ZBTB20: variants seen among roughly 807,000 people sequenced by gnomAD.
ZBTB20 encodes zinc finger and BTB domain containing 20.
A neutral mutation model predicts 56.9 loss-of-function variants in ZBTB20; 9 were observed. The ratio of observed to expected loss-of-function variants is 0.16; its 90% CI spans 0.10 to 0.28. ZBTB20 has a LOEUF of 0.28. Among genes scored for constraint, ZBTB20 ranks in the 10% least tolerant of loss-of-function variants. ZBTB20 has a pLI of 1.00. For missense variants in ZBTB20, 655 were observed against 1,003.0 expected (o/e 0.65, Z 4.69); for synonymous variants, 417 against 420.7 (o/e 0.99, Z 0.11).
intron 7 of ZBTB20, among the ~76,000 whole-genome samples, chr3:114,410,926 G>T (rs1167892287): frequency 6.6e-6 from 1 of 152,108 alleles, no homozygotes; most frequent in East Asian, 1.9e-4. Flanking sequence ...AACTGACTTA[G>T]TGGAGGGAAG....
At chr3:114,868,124 A>C (rs1560341410) in intron 4 of ZBTB20, among the ~76,000 whole-genome samples, 1 of 152,210 alleles carries the variant, frequency 6.6e-6, no homozygotes, top group Non-Finnish European at 1.5e-5. Context: ...AAGAAGGAAA[A>C]GCCAATTTGA....
intron 2 of ZBTB20, among the ~76,000 whole-genome samples, chr3:115,015,172 A>G (rs1472597616): frequency 6.6e-6 from 1 of 151,852 alleles, no homozygotes; most frequent in Non-Finnish European, 1.5e-5. Context: ...GACTAATTAC[A>G]TAATAGTTAT....
chr3:114,886,513 C>A (rs1376890622), intron 4 of ZBTB20, among the ~76,000 whole-genome samples: 1 of 152,160 alleles, frequency 6.6e-6, no homozygotes, highest in East Asian at 1.9e-4. Flanking sequence ...AAAACATTTT[C>A]TGCAACTCTT....
chr3:114,972,754 GA>G (rs1196165996), intron 3 of ZBTB20, among the ~76,000 whole-genome samples: 1 of 152,024 alleles, frequency 6.6e-6, no homozygotes, highest in Non-Finnish European at 1.5e-5. Context: ...ATATAAACCT[GA>G]AATGTTCATA....
intron 7 of ZBTB20, among the ~76,000 whole-genome samples, chr3:114,468,538 C>T (rs531663962): frequency 6.6e-6 from 1 of 152,184 alleles, no homozygotes; most frequent in Admixed American, 6.5e-5. Flanking sequence ...GTTTAGTAAT[C>T]TGCATTCATT....
intron 6 of ZBTB20, among the ~76,000 whole-genome samples, chr3:114,631,349 T>C (rs2058928037): frequency 7.3e-6 from 1 of 137,236 alleles, no homozygotes; most frequent in Non-Finnish European, 1.6e-5. Flanking sequence ...GACATTTTTG[T>C]GGAGGGGTGG....
rs71146316 is a variant in ZBTB20, at chr3:114,332,058, GTTTTTTTTTTTTTTT to G, written c.*6932_*6946del. The G allele has an allele frequency of 1.2e-5, 1 of 85,406 alleles. No homozygotes were observed. The highest frequency in any genetic ancestry group is 4.4e-5 in the African/African-American group (1 of 22,968). The allele number at this position is 85,406 out of a possible 1,614,324, so 5.3% of individuals were successfully genotyped here. On this transcript the variant is annotated 3_prime_UTR_variant, in exon 12 of 12. Coordinates refer to ENST00000675478, the MANE Select transcript of ZBTB20 (RefSeq NM_001348800.3). ...ACTAGTAGAAACAGATGCCCCCAAG[GTTTTTTTTTTTTTTT>G]TTTTTTTTTTCTCTCTTGGATGTAT...
intron 6 of ZBTB20, among the ~76,000 whole-genome samples, chr3:114,652,574 T>C (rs556682028): frequency 6.6e-6 from 1 of 152,140 alleles, no homozygotes; most frequent in South Asian, 2.1e-4. Flanking sequence ...AAGATACTGA[T>C]CCAATGTTCC....
chr3:114,580,958 T>C (rs1001293614), intron 6 of ZBTB20, among the ~76,000 whole-genome samples: 10 of 151,878 alleles, frequency 6.6e-5, no homozygotes, highest in Admixed American at 2.0e-4. Context: ...AAAACTCATA[T>C]TGAATAGCAA....
intron 5 of ZBTB20, among the ~76,000 whole-genome samples, chr3:114,718,625 T>C (rs1041725775): frequency 6.6e-6 from 1 of 152,074 alleles, no homozygotes; most frequent in Admixed American, 6.6e-5. Flanking sequence ...CCAAACCCAC[T>C]TTTGGAGAGA....
intron 1 of ZBTB20, among the ~76,000 whole-genome samples, chr3:115,094,778 A>G (rs182546110): frequency 3.2e-4 from 48 of 152,152 alleles, no homozygotes; most frequent in African/African-American, 1.1e-3. Context: ...TAAAAATTAG[A>G]GAAAATTAAA....
intron 6 of ZBTB20, among the ~76,000 whole-genome samples, chr3:114,600,462 A>T (rs1208536553): frequency 6.6e-6 from 1 of 151,982 alleles, no homozygotes; most frequent in Non-Finnish European, 1.5e-5. Flanking sequence ...AGTCTAGTGG[A>T]ATTTATTTGC....
intron 5 of ZBTB20, among the ~76,000 whole-genome samples, chr3:114,716,794 C>T (rs545192919): frequency 8.1e-4 from 123 of 152,118 alleles, no homozygotes; most frequent in East Asian, 3.9e-4. Flanking sequence ...AGATTTTCAA[C>T]CCTTATGCAC....
chr3:114,365,720 A>G (rs1055191333), intron 10 of ZBTB20, among the ~76,000 whole-genome samples: 2 of 152,164 alleles, frequency 1.3e-5, no homozygotes, highest in African/African-American at 2.4e-5. Context: ...TTGCCTAATC[A>G]TCTGTTTGAG....
chr3:114,357,577 G>C (rs1209512141), intron 10 of ZBTB20, among the ~76,000 whole-genome samples: 1 of 152,138 alleles, frequency 6.6e-6, no homozygotes, highest in Admixed American at 6.5e-5. Flanking sequence ...GTTTTGGGGG[G>C]TATGTATAGT....
At chr3:114,843,225 T>G (rs2074470115) in intron 4 of ZBTB20, among the ~76,000 whole-genome samples, 1 of 152,148 alleles carries the variant, frequency 6.6e-6, no homozygotes, top group South Asian at 2.1e-4. Flanking sequence ...CAAAATAGAC[T>G]AATACAAGTA....
At chr3:114,341,094 T>C (rs1255029397) in intron 11 of ZBTB20, among the ~76,000 whole-genome samples, 1 of 152,210 alleles carries the variant, frequency 6.6e-6, no homozygotes, top group Non-Finnish European at 1.5e-5. Context: ...TTTTCAAACA[T>C]AAACAGATAT....
chr3:114,497,093 T>C (rs1270019137), intron 7 of ZBTB20, among the ~76,000 whole-genome samples: 2 of 152,196 alleles, frequency 1.3e-5, no homozygotes, highest in African/African-American at 4.8e-5. Flanking sequence ...GCAAAGATTA[T>C]GCAATAGGCC....
At chr3:115,128,952 A>G (rs2084421662) in intron 1 of ZBTB20, among the ~76,000 whole-genome samples, 1 of 152,030 alleles carries the variant, frequency 6.6e-6, no homozygotes, top group South Asian at 2.1e-4. Context: ...ACAAAAAATT[A>G]GTCTGGCGTG....
Sources: gnomAD v4.1 joint callset for allele counts (sites outside exome capture counted in the v4.1 genomes callset) on GRCh38, gnomAD v4.1.1 for gene constraint, MANE v1.5 for transcripts, NCBI Gene and HGNC (gene_info 2026-07-23, HGNC 2026-07-21) for gene names.